Variants in ASIC2 observed in about 807,000 individuals in gnomAD.
ASIC2 encodes acid-sensing ion channel 2.
A neutral mutation model predicts 57.3 loss-of-function variants in ASIC2; 25 were observed. The observed-to-expected ratio is 0.44, with a 90% CI of 0.32 to 0.61. The LOEUF is 0.61. ASIC2 is among the 20% of genes least tolerant of loss of function. ASIC2 has a pLI of 0.06. For synonymous variants in ASIC2, 319 were observed against 307.5 expected (o/e 1.04, Z -0.39); for missense variants, 641 against 738.1 (o/e 0.87, Z 1.52).
rs543752781 is a variant in ASIC2 at position 33,674,709 on chromosome 17, C to A, written c.555+481269G>T. On this transcript the variant is annotated intron_variant, in intron 1 of 9. Coordinates refer to the ASIC2 transcript ENST00000359872. ...TTTTTTAATGGGTGAATAAACAAAT[C>A]CATGCCGCTCGTTCTGTGATATCCA... 1.5e-3 allele frequency among the ~76,000 whole-genome samples: 228 copies of A among 152,252 alleles called. 1 individual carries two copies. In the Middle Eastern group the frequency reaches 0.027, roughly 18 times the overall value.
At chr17:33,248,915 G>A (rs2142129179) in intron 1 of ASIC2, among the ~76,000 whole-genome samples, 1 of 152,282 alleles carries the variant, frequency 6.6e-6, no homozygotes, top group East Asian at 1.9e-4. Context: ...GCTTCCTGGG[G>A]TTGGTACTTG....
intron 1 of ASIC2, among the ~76,000 whole-genome samples, chr17:34,111,666 T>A (rs1911279604): frequency 6.6e-6 from 1 of 152,202 alleles, no homozygotes; most frequent in African/African-American, 2.4e-5. Context: ...ACCATTATTA[T>A]AAGGGAGAAT....
chr17:33,607,231 G>T (rs1905253831), intron 1 of ASIC2, among the ~76,000 whole-genome samples: 1 of 152,174 alleles, frequency 6.6e-6, no homozygotes, highest in South Asian at 2.1e-4. Context: ...AGGGTGTGCA[G>T]GATAGCTTAT....
intron 1 of ASIC2, among the ~76,000 whole-genome samples, chr17:33,386,748 G>A (rs545263425): frequency 6.6e-6 from 1 of 151,826 alleles, no homozygotes; most frequent in East Asian, 2.0e-4. Context: ...GGAAAGAGTG[G>A]CCCCTTCTGA....
intron 1 of ASIC2, among the ~76,000 whole-genome samples, chr17:33,318,337 G>A (rs956953191): frequency 6.6e-6 from 1 of 152,126 alleles, no homozygotes; most frequent in Non-Finnish European, 1.5e-5. Flanking sequence ...CAGGCTGCCT[G>A]CTACCACTGA....
At chr17:33,530,450 A>G (rs1915016642) in intron 1 of ASIC2, among the ~76,000 whole-genome samples, 1 of 152,272 alleles carries the variant, frequency 6.6e-6, no homozygotes, top group African/African-American at 2.4e-5. Context: ...AAGTCTTGGC[A>G]GATGGCAGCA....
intron 1 of ASIC2, among the ~76,000 whole-genome samples, chr17:33,788,981 T>C (rs1446927408): frequency 6.6e-6 from 1 of 152,164 alleles, no homozygotes; most frequent in African/African-American, 2.4e-5. Context: ...CGTATACCTA[T>C]GTAACAAACT....
At chr17:33,784,206 GT>G (rs1911540428) in intron 1 of ASIC2, among the ~76,000 whole-genome samples, 1 of 152,226 alleles carries the variant, frequency 6.6e-6, no homozygotes, top group South Asian at 2.1e-4. Context: ...ACCCAGTCCT[GT>G]TTTTTCATCT....
At chr17:33,232,955 C>G (rs1165501778) in intron 1 of ASIC2, among the ~76,000 whole-genome samples, 2 of 152,126 alleles carry the variant, frequency 1.3e-5, no homozygotes, top group East Asian at 1.9e-4. Flanking sequence ...ATGCCCACCC[C>G]TCAGGGCAAT....
Position 33,126,409 on chromosome 17 carries a change from T to G in ASIC2, c.709-14342A>C, listed in dbSNP as rs140442030. On this transcript the variant is annotated intron_variant, in intron 1 of 9. Transcript: ENST00000225823. ...CACTTTGGTCTCTGTGACTCTACTT[T>G]TTCATGTGTCGAATGGCCTGGCCAC... Among the ~76,000 whole-genome samples, 1,287 of 152,310 alleles carry G rather than the reference T, an allele frequency of 8.4e-3. 6 individuals are homozygous for G. The highest frequency in any genetic ancestry group is 0.018 in the South Asian group (86 of 4,816).
At chr17:33,016,569 CAAT>C (rs2091806840) in intron 8 of ASIC2, among the ~76,000 whole-genome samples, 1 of 152,042 alleles carries the variant, frequency 6.6e-6, no homozygotes, top group South Asian at 2.1e-4. Context: ...CCACAAAAGT[CAAT>C]AAACAAAGCA....
intron 3 of ASIC2, chr17:33,052,342 CT>C (rs1321918051): frequency 6.6e-6 from 1 of 152,202 alleles, no homozygotes; most frequent in African/African-American, 2.4e-5. Flanking sequence ...CTTTGGGTAG[CT>C]AAACAGCTTT....
At chr17:33,391,750 A>G (rs1196956567) in intron 1 of ASIC2, among the ~76,000 whole-genome samples, 1 of 152,268 alleles carries the variant, frequency 6.6e-6, no homozygotes, top group Non-Finnish European at 1.5e-5. Context: ...CATCCATGTT[A>G]GTATGAAGAC....
intron 1 of ASIC2, among the ~76,000 whole-genome samples, chr17:33,760,470 G>A (rs2637362): frequency 0.34 from 51,610 of 151,752 alleles, 10,681 homozygotes; most frequent in Non-Finnish European, 0.49. Context: ...AAGTGTGTGT[G>A]TATATATATA....
intron 2 of ASIC2, among the ~76,000 whole-genome samples, chr17:33,091,129 C>T (rs1453554516): frequency 6.6e-6 from 1 of 152,210 alleles, no homozygotes; most frequent in Non-Finnish European, 1.5e-5. Context: ...ATCACCTAAC[C>T]CAGGGCCTGG....
intron 1 of ASIC2, among the ~76,000 whole-genome samples, chr17:33,319,988 A>C (rs1399784176): frequency 6.6e-6 from 1 of 152,202 alleles, no homozygotes; most frequent in African/African-American, 2.4e-5. Flanking sequence ...AGAACAACCA[A>C]GCAAACTCAG....
intron 1 of ASIC2, among the ~76,000 whole-genome samples, chr17:33,216,941 G>A (rs544765693): frequency 6.6e-6 from 1 of 151,732 alleles, no homozygotes; most frequent in Non-Finnish European, 1.5e-5. Context: ...AGAGAGGGAG[G>A]CAGTTGGGAG....
At chr17:33,331,672 G>A (rs757215223) in intron 1 of ASIC2, among the ~76,000 whole-genome samples, 15 of 152,188 alleles carry the variant, frequency 9.9e-5, no homozygotes, top group Non-Finnish European at 1.9e-4. Flanking sequence ...AAACCCATAT[G>A]TTAAAAAGAG....
At chr17:33,475,195 A>C (rs1315811034) in intron 1 of ASIC2, among the ~76,000 whole-genome samples, 1 of 152,062 alleles carries the variant, frequency 6.6e-6, no homozygotes, top group Non-Finnish European at 1.5e-5. Flanking sequence ...AACCTACCTA[A>C]ACATTCAGAA....
Sources: allele counts gnomAD v4.1 joint callset (sites outside exome capture counted in the v4.1 genomes callset), GRCh38; gene constraint gnomAD v4.1.1; transcripts MANE v1.5; gene names NCBI Gene and HGNC (gene_info 2026-07-23, HGNC 2026-07-21).